KCNIP1: variants seen among roughly 807,000 people sequenced by gnomAD.
KCNIP1 encodes potassium voltage-gated channel interacting protein 1, also known as A-type potassium channel modulatory protein KCNIP1.
In KCNIP1, 18 loss-of-function variants were observed where a neutral mutation model predicts 33.0. That is an observed-to-expected ratio of 0.55 (90% CI 0.38 to 0.81). The LOEUF (loss-of-function observed/expected upper bound fraction) is 0.81. Ranked by LOEUF, KCNIP1 falls within the 30% of genes least tolerant of loss-of-function variation. KCNIP1 has a pLI of 0.00. For missense variants in KCNIP1, 238 were observed against 271.6 expected (o/e 0.88, Z 0.87); for synonymous variants, 93 against 98.3 (o/e 0.95, Z 0.32).
intron 1 of KCNIP1, among the ~76,000 whole-genome samples, chr5:170,588,857 T>C (rs991966696): frequency 6.6e-6 from 1 of 152,040 alleles, no homozygotes; most frequent in Non-Finnish European, 1.5e-5. Flanking sequence ...CTCTTTACCC[T>C]CCTCTGTTTC....
intron 1 of KCNIP1, among the ~76,000 whole-genome samples, chr5:170,598,531 C>T (rs1295898066): frequency 2.6e-5 from 4 of 152,120 alleles, no homozygotes; most frequent in Non-Finnish European, 5.9e-5. Flanking sequence ...AGTATAGAAG[C>T]AAACCCCCAG....
intron 1 of KCNIP1, among the ~76,000 whole-genome samples, chr5:170,415,860 T>G (rs990482825): frequency 2.0e-5 from 3 of 152,100 alleles, no homozygotes; most frequent in Non-Finnish European, 2.9e-5. Context: ...GAGTGACGTC[T>G]CCATGCCATG....
chr5:170,400,783 G>A (rs1754883809), intron 1 of KCNIP1, among the ~76,000 whole-genome samples: 1 of 152,192 alleles, frequency 6.6e-6, no homozygotes. Context: ...ATTCCTTCTT[G>A]TCTGAGCAGT....
rs566180339 is a variant in KCNIP1 at position 170,729,015 on chromosome 5, C to T, written c.436-3785C>T. Among the ~76,000 whole-genome samples, 33 of 151,982 alleles carry T rather than the reference C, an allele frequency of 2.2e-4. No homozygotes were observed. The South Asian group carries it at 6.6e-3, about 31-fold the overall frequency. On this transcript the variant is annotated intron_variant, in intron 5 of 7. Coordinates refer to ENST00000328939, the MANE Select transcript of KCNIP1 (RefSeq NM_014592.4). Reference sequence around the variant, plus strand: ...CCATCTTGGTTCATAATAAAGGGAGCATATTGAATAGAGAGGTAATGAATC... The same window carrying T: ...CCATCTTGGTTCATAATAAAGGGAGTATATTGAATAGAGAGGTAATGAATC...
intron 1 of KCNIP1, among the ~76,000 whole-genome samples, chr5:170,434,605 G>C (rs1395598734): frequency 1.3e-5 from 2 of 152,136 alleles, no homozygotes; most frequent in African/African-American, 4.8e-5. Flanking sequence ...CAGGGACCTG[G>C]GTTGACTGGG....
intron 1 of KCNIP1, among the ~76,000 whole-genome samples, chr5:170,573,101 T>C (rs1757478194): frequency 6.6e-6 from 1 of 152,220 alleles, no homozygotes; most frequent in Non-Finnish European, 1.5e-5. Flanking sequence ...ATTGCTCTCC[T>C]ATGCAAGACC....
intron 1 of KCNIP1, chr5:170,378,644 C>T: frequency 6.5e-7 from 1 of 1,527,452 alleles, no homozygotes; most frequent in Non-Finnish European, 8.8e-7. Flanking sequence ...TGGGGAGCAG[C>T]CCTGGGGGCC....
chr5:170,726,939 A>G (rs543579711), intron 5 of KCNIP1, among the ~76,000 whole-genome samples: 5 of 125,606 alleles, frequency 4.0e-5, no homozygotes, highest in Admixed American at 3.5e-4. Context: ...GAAGAAAAGA[A>G]GTCCCACTCC....
intron 1 of KCNIP1, among the ~76,000 whole-genome samples, chr5:170,415,633 A>G (rs77688981): frequency 0.022 from 3,301 of 152,280 alleles, 58 homozygotes; most frequent in East Asian, 0.071. Context: ...CCACCGTCCT[A>G]TCAACCCTCC....
chr5:170,711,625 G>A (rs1431981501), intron 1 of KCNIP1, among the ~76,000 whole-genome samples: 1 of 152,142 alleles, frequency 6.6e-6, no homozygotes, highest in Non-Finnish European at 1.5e-5. Flanking sequence ...ACCAGTGCAA[G>A]ATGTGAATAA....
chr5:170,611,768 G>C (rs1288207353), intron 1 of KCNIP1, among the ~76,000 whole-genome samples: 1 of 152,092 alleles, frequency 6.6e-6, no homozygotes, highest in African/African-American at 2.4e-5. Context: ...TCATCATATT[G>C]GTCAAAGCAA....
chr5:170,411,715 G>C (rs1161831628), intron 1 of KCNIP1, among the ~76,000 whole-genome samples: 5 of 152,220 alleles, frequency 3.3e-5, no homozygotes, highest in Non-Finnish European at 7.3e-5. Context: ...GAGGGTTGCA[G>C]ACACTTAATA....
intron 1 of KCNIP1, among the ~76,000 whole-genome samples, chr5:170,398,809 A>AGGG (rs1754823802): frequency 6.6e-6 from 1 of 152,158 alleles, no homozygotes; most frequent in Non-Finnish European, 1.5e-5. Flanking sequence ...GATTATAAAC[A>AGGG]GGTTATTCTG....
intron 1 of KCNIP1, among the ~76,000 whole-genome samples, chr5:170,393,673 A>T (rs1165401733): frequency 6.6e-6 from 1 of 152,250 alleles, no homozygotes; most frequent in African/African-American, 2.4e-5. Flanking sequence ...TAACAACAGC[A>T]AAAGTAAATG....
At position 170,684,553 on chromosome 5, in the gene KCNIP1, A is replaced by G. The variant is rs111655954; in HGVS notation, c.62-34205A>G. Among the ~76,000 whole-genome samples, 582 of 152,376 alleles carry G rather than the reference A, an allele frequency of 3.8e-3. 3 individuals carry two copies. The highest frequency in any genetic ancestry group is 0.013 in the African/African-American group (536 of 41,594). On this transcript the variant is annotated intron_variant, in intron 1 of 7. Coordinates refer to ENST00000328939, the MANE Select transcript of KCNIP1 (RefSeq NM_014592.4). The stretch of plus-strand genomic sequence containing the variant: ...GCCACAATATGATATCAAATAAAAT[A>G]CATCCACTTAAAAGTTCAGGTATGG...
chr5:170,722,614 C>A, intron 4 of KCNIP1, 99 bp from the exon 5 acceptor site: 2 of 815,254 alleles, frequency 2.5e-6, no homozygotes, highest in Non-Finnish European at 2.1e-6. Context: ...ACGCAGGAGG[C>A]ACCATTCTGT....
At chr5:170,473,253 CATTT>C (rs1354788896) in intron 1 of KCNIP1, among the ~76,000 whole-genome samples, 1 of 152,100 alleles carries the variant, frequency 6.6e-6, no homozygotes, top group Admixed American at 6.5e-5. Flanking sequence ...TTATAATTGA[CATTT>C]ATTAAGTGCT....
intron 1 of KCNIP1, among the ~76,000 whole-genome samples, chr5:170,573,731 T>C (rs1001385893): frequency 2.0e-5 from 3 of 152,256 alleles, no homozygotes; most frequent in African/African-American, 7.2e-5. Flanking sequence ...AAAGTTGTAT[T>C]GAGACAGCAG....
chr5:170,654,665 C>G (rs757661674), intron 1 of KCNIP1, among the ~76,000 whole-genome samples: 3 of 152,214 alleles, frequency 2.0e-5, no homozygotes, highest in Non-Finnish European at 4.4e-5. Context: ...TATCAAGCAT[C>G]TGGAAGTAGC....
Sources: allele counts gnomAD v4.1 joint callset (sites outside exome capture counted in the v4.1 genomes callset), GRCh38; gene constraint gnomAD v4.1.1; transcripts MANE v1.5; gene names NCBI Gene and HGNC (gene_info 2026-07-23, HGNC 2026-07-21).